DGKI: variants seen among roughly 807,000 people sequenced by gnomAD.
The protein encoded by DGKI is diacylglycerol kinase iota.
A neutral mutation model predicts 147.5 loss-of-function variants in DGKI; 55 were observed. The ratio of observed to expected loss-of-function variants is 0.37; its 90% confidence interval spans 0.30 to 0.47. The LOEUF (loss-of-function observed/expected upper bound fraction) is 0.47, where lower values mean the gene tolerates loss of function less well. Ranked by LOEUF, DGKI falls within the 20% of genes least tolerant of loss-of-function variation. The pLI is 1.00. For synonymous variants in DGKI, 469 were observed against 477.1 expected, an observed-to-expected ratio of 0.98 and a Z score of 0.22; for missense variants, 1,007 against 1,323.8, an observed-to-expected ratio of 0.76 and a Z score of 3.71.
At chr7:137,650,225 T>C (rs1016772209) in intron 5 of DGKI, among the ~76,000 whole-genome samples, 3 of 152,180 alleles carry the variant, frequency 2.0e-5, no homozygotes, top group Non-Finnish European at 4.4e-5. Context: ...ATGCATTCAG[T>C]CAGCAGATAT....
intron 3 of DGKI, among the ~76,000 whole-genome samples, chr7:137,660,627 T>C (rs1022794673): frequency 1.3e-5 from 2 of 152,118 alleles, no homozygotes; most frequent in East Asian, 1.9e-4. Context: ...GAGATTAATA[T>C]TGAATCCTAT....
rs955082200 is a variant in DGKI, at chr7:137,791,647, T to A, written c.401+54815A>T. ...CTATTCTGTTGGAGAGATGCTCTGGTAATGAACAAAAAAACCTTTTAGCTC... is the reference window on the plus strand; with the variant it reads ...CTATTCTGTTGGAGAGATGCTCTGGAAATGAACAAAAAAACCTTTTAGCTC... On this transcript the variant is annotated intron_variant, in intron 1 of 32. Transcript: ENST00000614521. Among the ~76,000 whole-genome samples, 3 of 152,332 alleles carry A rather than the reference T, an allele frequency of 2.0e-5. No homozygotes were observed. In the South Asian group the frequency reaches 6.2e-4, roughly 32 times the overall value.
At chr7:137,659,443 A>C (rs1053682358) in intron 3 of DGKI, among the ~76,000 whole-genome samples, 4 of 152,252 alleles carry the variant, frequency 2.6e-5, no homozygotes, top group African/African-American at 9.6e-5. Context: ...GAAATTGCCC[A>C]AAACACCTAG....
chr7:137,846,161 T>TCTCTCTCTCCCA lies in DGKI; in HGVS notation c.401+300_401+301insTGGGAGAGAGAG, dbSNP rs781580130. On this transcript the variant is annotated intron_variant, in intron 1 of 32. Transcript: ENST00000614521. The surrounding 1 kb of genome is among the most constrained non-coding windows in gnomAD (Gnocchi z 4.0). ...CTCTCTCTCTCTCTCTCTCTCTCTC[T>TCTCTCTCTCCCA]CACACACACACACACACACACACAC... Among the ~76,000 whole-genome samples, 1 of 108,182 alleles carries TCTCTCTCTCCCA rather than the reference T, an allele frequency of 9.2e-6. No homozygotes were observed. The highest frequency in any genetic ancestry group is 3.9e-5 in the African/African-American group (1 of 25,930). 71.0% of individuals were successfully genotyped at this position (108,182 alleles called of 152,430 possible). A position where few individuals can be genotyped will look rare whatever the true frequency, so the allele number is the denominator to read the frequency against.
chr7:137,784,391 A>T (rs1442638989), intron 1 of DGKI, among the ~76,000 whole-genome samples: 1 of 152,194 alleles, frequency 6.6e-6, no homozygotes, highest in Non-Finnish European at 1.5e-5. Flanking sequence ...ACATTATAGA[A>T]TGATAAAAAG....
At chr7:137,601,612 C>T (rs183804052) in intron 10 of DGKI, among the ~76,000 whole-genome samples, 30 of 152,300 alleles carry the variant, frequency 2.0e-4, no homozygotes, top group Non-Finnish European at 3.4e-4. Context: ...GAAAGGATGT[C>T]CACCTTCCAG....
intron 20 of DGKI, among the ~76,000 whole-genome samples, chr7:137,543,833 C>T (rs186579966): frequency 2.6e-5 from 4 of 152,224 alleles, no homozygotes; most frequent in Non-Finnish European, 1.5e-5. Context: ...CAAGGCTATC[C>T]GCACTGCCAT....
intron 23 of DGKI, among the ~76,000 whole-genome samples, chr7:137,480,744 G>A (rs889350396): frequency 2.0e-5 from 3 of 152,098 alleles, no homozygotes; most frequent in African/African-American, 7.2e-5. Context: ...GTAATCACCT[G>A]GTTGAATCTA....
At chr7:137,435,968 C>T (rs1272806989) in intron 28 of DGKI, among the ~76,000 whole-genome samples, 3 of 152,012 alleles carry the variant, frequency 2.0e-5, no homozygotes, top group African/African-American at 7.3e-5. Context: ...TTAGCAGAGG[C>T]GAGGTTTCAC....
intron 32 of DGKI, among the ~76,000 whole-genome samples, chr7:137,391,600 G>T (rs998042289): frequency 6.6e-6 from 1 of 151,912 alleles, no homozygotes; most frequent in African/African-American, 2.4e-5. Context: ...TGACGGGTGG[G>T]GTTTATACTA....
chr7:137,788,637 C>CAT (rs763413955), intron 1 of DGKI, among the ~76,000 whole-genome samples: 7 of 142,700 alleles, frequency 4.9e-5, no homozygotes, highest in African/African-American at 1.9e-4. Flanking sequence ...CCCATAAATA[C>CAT]ACACACACAC....
At chr7:137,785,248 GAAGA>G (rs1796633466) in intron 1 of DGKI, among the ~76,000 whole-genome samples, 1 of 151,936 alleles carries the variant, frequency 6.6e-6, no homozygotes. Flanking sequence ...ACCAAGAAAA[GAAGA>G]AAGAAGATCC....
intron 1 of DGKI, among the ~76,000 whole-genome samples, chr7:137,751,354 A>C (rs1795484866): frequency 6.6e-6 from 1 of 152,202 alleles, no homozygotes. Flanking sequence ...GATTCCTCCT[A>C]TTGGGCAGTT....
chr7:137,509,724 G>C (rs77262277), intron 21 of DGKI, among the ~76,000 whole-genome samples: 5,066 of 152,226 alleles, frequency 0.033, 262 homozygotes, highest in African/African-American at 0.12. Context: ...TTCTGAGTTA[G>C]AATGTGTTAT....
chr7:137,493,745 G>A lies in DGKI; in HGVS notation c.2249-6056C>T, dbSNP rs184624759. ...CAAAGATGAAAAAGAACCAGCGCGA[G>A]AACTCTGGCAACTCAAAAAGCCAGA... On this transcript the variant is annotated intron_variant, in intron 21 of 32. Coordinates refer to ENST00000614521, the MANE Select transcript of DGKI (RefSeq NM_001321708.2). The A allele has an allele frequency of 6.7e-4, 469 of 701,482 alleles. 3 individuals carry two copies. In the African/African-American group the frequency reaches 7.3e-3, roughly 11 times the overall value. 43.5% of individuals were successfully genotyped at this position (701,482 alleles called of 1,614,324 possible). A position where few individuals can be genotyped will look rare whatever the true frequency, so the allele number is the denominator to read the frequency against.
At chr7:137,618,443 A>T (rs1022016372) in intron 8 of DGKI, among the ~76,000 whole-genome samples, 2 of 149,668 alleles carry the variant, frequency 1.3e-5, no homozygotes, top group African/African-American at 5.1e-5. Context: ...ACAAAGCAGA[A>T]CAAATCCCAT....
At chr7:137,689,671 T>A (rs1823537107) in intron 2 of DGKI, among the ~76,000 whole-genome samples, 1 of 152,240 alleles carries the variant, frequency 6.6e-6, no homozygotes, top group Non-Finnish European at 1.5e-5. Flanking sequence ...TTCAAATGAT[T>A]CAGGAAGCTT....
intron 3 of DGKI, among the ~76,000 whole-genome samples, chr7:137,660,835 A>G (rs1040122243): frequency 1.7e-4 from 26 of 151,052 alleles, no homozygotes; most frequent in African/African-American, 5.8e-4. Context: ...AAAAGAGGGA[A>G]GGGGAAAAGA....
At chr7:137,826,863 G>A (rs1798073129) in intron 1 of DGKI, among the ~76,000 whole-genome samples, 1 of 152,202 alleles carries the variant, frequency 6.6e-6, no homozygotes, top group Admixed American at 6.5e-5. Flanking sequence ...ATAATGAATG[G>A]CATCAAATCT....
Sources: allele counts gnomAD v4.1 joint callset (sites outside exome capture counted in the v4.1 genomes callset), GRCh38; gene constraint gnomAD v4.1.1; non-coding constraint Gnocchi (gnomAD v3.1); transcripts MANE v1.5; gene names NCBI Gene and HGNC (gene_info 2026-07-23, HGNC 2026-07-21).